Variants in MELK observed in about 807,000 individuals in gnomAD.
MELK encodes the protein maternal embryonic leucine zipper kinase, also known as pEg3 kinase.
A neutral mutation model predicts 85.0 loss-of-function variants in MELK; 81 were observed. That is an observed-to-expected ratio of 0.95 (90% CI 0.80 to 1.15). The LOEUF (loss-of-function observed/expected upper bound fraction) is 1.15, where lower values mean the gene tolerates loss of function less well. Among genes scored for constraint, MELK ranks in the 50% most tolerant of loss-of-function variants. The pLI is 0.00. For missense variants in MELK, 754 were observed against 777.5 expected (o/e 0.97, Z 0.36); for synonymous variants, 252 against 265.0 (o/e 0.95, Z 0.48).
chr9:36,672,097 A>G (rs1020383455), intron 16 of MELK, among the ~76,000 whole-genome samples: 39 of 152,176 alleles, frequency 2.6e-4, no homozygotes, highest in African/African-American at 9.2e-4. Flanking sequence ...GGGAAGGAAA[A>G]TGCTGAGCTT....
chr9:36,662,058 A>G (rs560230867), intron 13 of MELK, among the ~76,000 whole-genome samples: 1 of 151,114 alleles, frequency 6.6e-6, no homozygotes, highest in East Asian at 1.9e-4. Context: ...TTATGGATTT[A>G]GTTATTATAT....
At chr9:36,672,085 G>A (rs1181100617) in intron 16 of MELK, among the ~76,000 whole-genome samples, 22 of 152,196 alleles carry the variant, frequency 1.4e-4, no homozygotes, top group Non-Finnish European at 1.5e-5. Context: ...TGGGCGGTTT[G>A]AGGGAAGGAA....
chr9:36,618,800 C>T (rs1827108919), intron 8 of MELK, among the ~76,000 whole-genome samples: 1 of 152,106 alleles, frequency 6.6e-6, no homozygotes, highest in South Asian at 2.1e-4. Context: ...TTAAGAGTGT[C>T]TCATAGTGTA....
rs781286890 is a variant in MELK at position 36,589,546 on chromosome 9, C to A, written c.155C>A (p.Pro52His). 1.2e-6 allele frequency: 2 copies of A among 1,613,198 alleles called. No individual in the cohort carries two copies. Among genetic ancestry groups the A allele is most frequent in the Non-Finnish European group, 1.7e-6 (2 of 1,179,272 alleles). Residue 52 changes from proline to histidine, a missense_variant, in exon 4 of 18, where the codon CCC (proline) becomes CAC (histidine). Coordinates refer to ENST00000298048, the MANE Select transcript of MELK (RefSeq NM_014791.4). ...GATGTTTTGTCACAGAGTGATTTGC[C>A]CCGGATCAAAACGGAGATTGAGGCC... The part of the protein sequence containing the change: ...MDKNTLGSDL[P>H]RIKTEIEALK...
At chr9:36,664,231 T>C (rs1407566387) in intron 13 of MELK, among the ~76,000 whole-genome samples, 1 of 152,260 alleles carries the variant, frequency 6.6e-6, no homozygotes, top group East Asian at 1.9e-4. Context: ...TTTGTTTCAC[T>C]ATTTTAAACA....
chr9:36,674,780 G>A (rs1833193192), intron 16 of MELK, 54 bp from the exon 17 acceptor site: 2 of 1,030,534 alleles, frequency 1.9e-6, no homozygotes, highest in Admixed American at 3.5e-5. Context: ...TGGTGTGATG[G>A]TCTTTGTGTT....
intron 10 of MELK, among the ~76,000 whole-genome samples, chr9:36,636,748 C>CTTTT (rs1829194073): frequency 1.1e-5 from 1 of 95,230 alleles, no homozygotes; most frequent in Admixed American, 1.3e-4. Flanking sequence ...TTCTTTCTTT[C>CTTTT]TTTCTTTCTT....
intron 8 of MELK, among the ~76,000 whole-genome samples, chr9:36,618,611 A>C (rs925952108): frequency 3.3e-5 from 5 of 152,140 alleles, no homozygotes; most frequent in Admixed American, 2.0e-4. Context: ...TAAAAGTAGA[A>C]GTGTCAGCTC....
At chr9:36,613,679 G>A (rs887013884) in intron 8 of MELK, among the ~76,000 whole-genome samples, 1 of 152,186 alleles carries the variant, frequency 6.6e-6, no homozygotes, top group African/African-American at 2.4e-5. Context: ...AGGGATGTGA[G>A]AGTGTCAAGT....
chr9:36,601,194 G>A (rs1440035022), intron 7 of MELK, among the ~76,000 whole-genome samples: 2 of 151,940 alleles, frequency 1.3e-5, no homozygotes, highest in Non-Finnish European at 2.9e-5. Flanking sequence ...ATATTCAAAT[G>A]GTATTAATTG....
At chr9:36,664,323 A>G (rs983757334) in intron 13 of MELK, among the ~76,000 whole-genome samples, 12 of 152,000 alleles carry the variant, frequency 7.9e-5, no homozygotes, top group Non-Finnish European at 1.3e-4. Flanking sequence ...TGTCTTTTGG[A>G]ATTTTTTATG....
chr9:36,597,647 A>G (rs1207883150), intron 6 of MELK, among the ~76,000 whole-genome samples: 1 of 152,198 alleles, frequency 6.6e-6, no homozygotes, highest in African/African-American at 2.4e-5. Context: ...TTGTTTGTTT[A>G]GATAAAAGTT....
At chr9:36,663,725 G>A (rs115332918) in intron 13 of MELK, among the ~76,000 whole-genome samples, 2,963 of 152,220 alleles carry the variant, frequency 0.019, 99 homozygotes, top group African/African-American at 0.067. Flanking sequence ...TTTTATGGTT[G>A]AATAGTATTC....
intron 11 of MELK, among the ~76,000 whole-genome samples, chr9:36,649,685 C>A (rs1830522792): frequency 6.6e-6 from 1 of 151,978 alleles, no homozygotes; most frequent in Non-Finnish European, 1.5e-5. Flanking sequence ...GAGAGGATTG[C>A]TTGAACCCAG....
At chr9:36,634,132 T>A (rs1828891976) in intron 10 of MELK, among the ~76,000 whole-genome samples, 2 of 152,252 alleles carry the variant, frequency 1.3e-5, no homozygotes, top group Admixed American at 6.5e-5. Context: ...TTAACACATT[T>A]CGTTATACAA....
At chr9:36,638,945 G>A (rs1829478550) in intron 10 of MELK, among the ~76,000 whole-genome samples, 1 of 152,202 alleles carries the variant, frequency 6.6e-6, no homozygotes, top group African/African-American at 2.4e-5. Context: ...GATCTGATAG[G>A]CTAGCTGATT....
intron 8 of MELK, among the ~76,000 whole-genome samples, chr9:36,618,629 G>A (rs566182581): frequency 8.5e-5 from 13 of 152,150 alleles, no homozygotes; most frequent in Non-Finnish European, 1.6e-4. Context: ...CTCCATTACT[G>A]TTTGCTTGTA....
intron 1 of MELK, among the ~76,000 whole-genome samples, chr9:36,579,273 C>T (rs755795856): frequency 2.0e-5 from 3 of 152,146 alleles, no homozygotes; most frequent in African/African-American, 7.2e-5. Context: ...GTGATCTGCC[C>T]GTCTTGGCCT....
intron 2 of MELK, among the ~76,000 whole-genome samples, chr9:36,583,122 C>T (rs1240145571): frequency 2.6e-5 from 4 of 151,822 alleles, no homozygotes; most frequent in South Asian, 2.1e-4. Context: ...TACAGGTGCC[C>T]GCCACCATGC....
Sources: allele counts gnomAD v4.1 joint callset (sites outside exome capture counted in the v4.1 genomes callset), GRCh38; gene constraint gnomAD v4.1.1; transcripts MANE v1.5; gene names NCBI Gene and HGNC (gene_info 2026-07-23, HGNC 2026-07-21).